Variants in LUC7L3 observed in about 807,000 individuals in gnomAD.
The protein encoded by LUC7L3 is luc7-like protein 3.
Under a neutral mutation model 66.8 loss-of-function variants are expected in LUC7L3, and 6 were observed. The ratio of observed to expected loss-of-function variants is 0.09; its 90% CI spans 0.05 to 0.18. LUC7L3 has a LOEUF of 0.18. Among genes scored for constraint, LUC7L3 ranks in the 10% least tolerant of loss-of-function variants. The pLI is 1.00. For synonymous variants in LUC7L3, 160 were observed against 174.7 expected (o/e 0.92, Z 0.66); for missense variants, 341 against 531.1 (o/e 0.64, Z 3.52).
intron 1 of LUC7L3, among the ~76,000 whole-genome samples, chr17:50,735,558 G>A (rs1465212966): frequency 6.6e-6 from 1 of 151,624 alleles, no homozygotes; most frequent in Non-Finnish European, 1.5e-5. Context: ...CTGGAGTGCA[G>A]TAAATAGCAC....
intron 9 of LUC7L3, among the ~76,000 whole-genome samples, chr17:50,748,640 G>C (rs530601738): frequency 6.6e-6 from 1 of 151,928 alleles, no homozygotes; most frequent in Non-Finnish European, 1.5e-5. Flanking sequence ...AAAACTTTTC[G>C]TTAAGCGGAA....
chr17:50,746,076 T>C lies in LUC7L3; in HGVS notation c.977+73T>C, dbSNP rs1396214614. 5 of 1,477,336 alleles carry C rather than the reference T, an allele frequency of 3.4e-6. No individual in the cohort carries two copies. The Admixed American group carries it at 1.3e-4, about 39-fold the overall frequency. 91.5% of individuals were successfully genotyped at this position (1,477,336 alleles called of 1,614,324 possible). On this transcript the variant is annotated intron_variant, in intron 8 of 9. Transcript: ENST00000505658. The stretch of plus-strand genomic sequence containing the variant: ...ATAACAATAATAACTACTAGTATTA[T>C]TCCTTGGAATGGTACTTGGGAAGCT...
chr17:50,741,820 CAT>C (rs1295550968), intron 5 of LUC7L3, 89 bp downstream of exon 5: 9 of 1,004,688 alleles, frequency 9.0e-6, no homozygotes, highest in Middle Eastern at 2.5e-4. Context: ...CATGGTAACT[CAT>C]GTGTATAATC....
At chr17:50,728,023 C>T (rs1037948149) in intron 1 of LUC7L3, among the ~76,000 whole-genome samples, 2 of 149,826 alleles carry the variant, frequency 1.3e-5, no homozygotes, top group African/African-American at 4.9e-5. Flanking sequence ...GAGGCTGAGA[C>T]GGGAGAATGG....
At position 50,754,839 on chromosome 17, in the gene LUC7L3, G is replaced by GTC. The variant is rs1971082791; in HGVS notation, c.*4180_*4181dup. ...ATAAATAACCAACCTTATTTCTAAG[G>GTC]TCTGAGAACACTTGGACCACATATT... On this transcript the variant is annotated 3_prime_UTR_variant, in exon 10 of 10. Coordinates refer to ENST00000505658, the MANE Select transcript of LUC7L3 (RefSeq NM_016424.5). The GTC allele has an allele frequency of 6.6e-6, 1 of 152,044 alleles. No individual in the cohort carries two copies. The highest frequency in any genetic ancestry group is 1.5e-5 in the Non-Finnish European group (1 of 68,012). The allele number at this position is 152,044 out of a possible 1,614,324, so 9.4% of individuals were successfully genotyped here. A position where few individuals can be genotyped will look rare whatever the true frequency, so the allele number is the denominator to read the frequency against.
chr17:50,747,226 C>CT (rs1970726066), intron 9 of LUC7L3, among the ~76,000 whole-genome samples: 1 of 119,670 alleles, frequency 8.4e-6, no homozygotes, highest in Admixed American at 8.6e-5. Flanking sequence ...TTTCTTTTTT[C>CT]TTTTTCTTTT....
chr17:50,724,934 GTGT>G (rs1447504805), intron 1 of LUC7L3, among the ~76,000 whole-genome samples: 11 of 151,638 alleles, frequency 7.3e-5, no homozygotes, highest in Non-Finnish European at 1.5e-5. Flanking sequence ...ACTAATTTTT[GTGT>G]TGTTGTAGAG....
chr17:50,726,414 C>T (rs892670396), intron 1 of LUC7L3, among the ~76,000 whole-genome samples: 7 of 152,122 alleles, frequency 4.6e-5, no homozygotes, highest in African/African-American at 7.2e-5. Flanking sequence ...TTAAGTGATC[C>T]GCCCACCTTG....
intron 1 of LUC7L3, among the ~76,000 whole-genome samples, chr17:50,726,062 G>A (rs1969160133): frequency 6.6e-6 from 1 of 152,200 alleles, no homozygotes; most frequent in Admixed American, 6.5e-5. Flanking sequence ...ATCTCTGCAT[G>A]AGCAGTTGGT....
At chr17:50,725,245 A>G (rs972880942) in intron 1 of LUC7L3, among the ~76,000 whole-genome samples, 1 of 152,114 alleles carries the variant, frequency 6.6e-6, no homozygotes, top group Non-Finnish European at 1.5e-5. Context: ...CCCTGTCTCT[A>G]CTAAAAATAC....
In LUC7L3 at chr17:50,752,323, T is replaced by TTTA. The variant is rs529275655; in HGVS notation, c.*1678_*1680dup. ...AAAAGTATAAAGCTCAGTTAGTTTTTTTATTATTATTATTATTAAAAGTTA... is the reference window on the plus strand; with the variant it reads ...AAAAGTATAAAGCTCAGTTAGTTTTTTTATTATTATTATTATTATTAAAAGTTA... On this transcript the variant is annotated 3_prime_UTR_variant, in exon 10 of 10. Coordinates refer to ENST00000505658, the MANE Select transcript of LUC7L3 (RefSeq NM_016424.5). The TTTA allele has an allele frequency of 8.4e-4, 681 of 810,486 alleles. 2 individuals carry two copies. The highest frequency in any genetic ancestry group is 1.0e-3 in the Non-Finnish European group (621 of 592,358). The allele number at this position is 810,486 out of a possible 1,614,324, so 50.2% of individuals were successfully genotyped here. A position where few individuals can be genotyped will look rare whatever the true frequency, so the allele number is the denominator to read the frequency against.
chr17:50,754,273 A>G lies in LUC7L3; in HGVS notation c.*3612A>G, dbSNP rs2143107621. Reference sequence around the variant, plus strand: ...AACTTTATTTTGGAAATTTAAAGACATACACAAAAGAGGAACAATATAATT... The same window carrying G: ...AACTTTATTTTGGAAATTTAAAGACGTACACAAAAGAGGAACAATATAATT... On this transcript the variant is annotated 3_prime_UTR_variant, in exon 10 of 10. Coordinates refer to ENST00000505658, the MANE Select transcript of LUC7L3 (RefSeq NM_016424.5). The G allele has an allele frequency of 6.6e-6, 1 of 152,294 alleles. No individual in the cohort carries two copies. Among genetic ancestry groups the G allele is most frequent in the South Asian group, 2.1e-4 (1 of 4,826 alleles). The allele number at this position is 152,294 out of a possible 1,614,324, so 9.4% of individuals were successfully genotyped here.
At chr17:50,749,345 G>A (rs2143067621) in intron 9 of LUC7L3, 1 of 1,288,642 alleles carries the variant, frequency 7.8e-7, no homozygotes. Flanking sequence ...TTCCCACAAG[G>A]TCAGTTAGAG....
At chr17:50,737,864 A>G (rs1970076727) in intron 2 of LUC7L3, among the ~76,000 whole-genome samples, 1 of 152,174 alleles carries the variant, frequency 6.6e-6, no homozygotes, top group African/African-American at 2.4e-5. Flanking sequence ...GAAAAAAATA[A>G]TTGACTATTT....
chr17:50,732,991 G>A (rs1032052836), intron 1 of LUC7L3, among the ~76,000 whole-genome samples: 1 of 152,218 alleles, frequency 6.6e-6, no homozygotes, highest in East Asian at 1.9e-4. Context: ...AGGAGGGACT[G>A]TAGAGATGTG....
At chr17:50,724,392 A>G (rs1969017240) in intron 1 of LUC7L3, among the ~76,000 whole-genome samples, 2 of 152,018 alleles carry the variant, frequency 1.3e-5, no homozygotes, top group Non-Finnish European at 2.9e-5. Flanking sequence ...GTAGTGGTGC[A>G]TTCCTGTAAT....
chr17:50,729,102 G>A (rs990695230), intron 1 of LUC7L3, among the ~76,000 whole-genome samples: 4 of 152,126 alleles, frequency 2.6e-5, no homozygotes, highest in African/African-American at 9.7e-5. Context: ...TCTGGTTACA[G>A]AAACATAACT....
Position 50,751,966 on chromosome 17 carries a change from C to T in LUC7L3, c.*1305C>T. On this transcript the variant is annotated 3_prime_UTR_variant, in exon 10 of 10. Coordinates refer to ENST00000505658, the MANE Select transcript of LUC7L3 (RefSeq NM_016424.5). Reference sequence around the variant, plus strand: ...ATTAGTTGATTTGTTGGTGGCATTCCCCTTTTGGGAAAGCAATGTAAGGTT... The same window carrying T: ...ATTAGTTGATTTGTTGGTGGCATTCTCCTTTTGGGAAAGCAATGTAAGGTT... The T allele has an allele frequency of 9.8e-7, 1 of 1,024,268 alleles. No homozygotes were observed. The highest frequency in any genetic ancestry group is 1.2e-6 in the Non-Finnish European group (1 of 852,910). The allele number at this position is 1,024,268 out of a possible 1,614,324, so 63.4% of individuals were successfully genotyped here. A position where few individuals can be genotyped will look rare whatever the true frequency, so the allele number is the denominator to read the frequency against.
At chr17:50,727,765 T>TTG in intron 1 of LUC7L3, among the ~76,000 whole-genome samples, 1 of 152,096 alleles carries the variant, frequency 6.6e-6, no homozygotes, top group African/African-American at 2.4e-5. Flanking sequence ...GTGTATGTTT[T>TTG]TGTTGGGTGG....
Sources: allele counts gnomAD v4.1 joint callset (sites outside exome capture counted in the v4.1 genomes callset), GRCh38; gene constraint gnomAD v4.1.1; transcripts MANE v1.5; gene names NCBI Gene and HGNC (gene_info 2026-07-23, HGNC 2026-07-21).